CBFA2T3: variants seen among roughly 807,000 people sequenced by gnomAD.
CBFA2T3 encodes transcriptional corepressor CBFA2T3.
A neutral mutation model predicts 58.6 loss-of-function variants in CBFA2T3; 31 were observed. That is an observed-to-expected ratio of 0.53 (90% CI 0.40 to 0.71). The LOEUF is 0.71. CBFA2T3 is among the 30% of genes least tolerant of loss of function. CBFA2T3 has a pLI of 0.00. For synonymous variants in CBFA2T3, 531 were observed against 421.9 expected, an observed-to-expected ratio of 1.26 and a Z score of -3.17; for missense variants, 1,076 against 963.1, an observed-to-expected ratio of 1.12 and a Z score of -1.55.
chr16:88,923,737 G>T (rs1397157005), intron 1 of CBFA2T3, among the ~76,000 whole-genome samples: 2 of 152,228 alleles, frequency 1.3e-5, no homozygotes, highest in African/African-American at 2.4e-5. Flanking sequence ...CCGACATGGA[G>T]GTCGGCTTTG....
rs113831761 is a variant in CBFA2T3, at chr16:88,900,124, G to A, written c.304+1380C>T. 9.8e-5 allele frequency among the ~76,000 whole-genome samples: 15 copies of A among 152,330 alleles called. 1 individual carries two copies. Among genetic ancestry groups the A allele is most frequent in the African/African-American group, 3.1e-4 (13 of 41,584 alleles). On this transcript the variant is annotated intron_variant, in intron 2 of 11. Transcript: ENST00000268679. ...GCCGTCCCCCAGGACCTGCAAAATCGTGAGTGCGGCGTCCCGACTCTCTGA... is the reference window on the plus strand; with the variant it reads ...GCCGTCCCCCAGGACCTGCAAAATCATGAGTGCGGCGTCCCGACTCTCTGA...
chr16:88,921,505 G>T (rs1386896949), intron 1 of CBFA2T3, among the ~76,000 whole-genome samples: 2 of 151,520 alleles, frequency 1.3e-5, no homozygotes, highest in Non-Finnish European at 2.9e-5. Flanking sequence ...CTCTTCCCGG[G>T]ATCTCCCTGG....
chr16:88,892,782 C>T (rs1969697854), intron 3 of CBFA2T3, among the ~76,000 whole-genome samples: 1 of 152,180 alleles, frequency 6.6e-6, no homozygotes, highest in Non-Finnish European at 1.5e-5. Flanking sequence ...CCTCTTTGCC[C>T]CAGGTCCCCA....
At chr16:88,890,478 C>T (rs180754397) in intron 5 of CBFA2T3, among the ~76,000 whole-genome samples, 61 of 152,292 alleles carry the variant, frequency 4.0e-4, no homozygotes, top group African/African-American at 1.4e-3. Context: ...GCCAGGCTGG[C>T]AGCTCCCAAC....
intron 1 of CBFA2T3, among the ~76,000 whole-genome samples, chr16:88,974,956 C>T (rs1972761859): frequency 2.0e-5 from 3 of 152,286 alleles, no homozygotes; most frequent in South Asian, 4.1e-4. Flanking sequence ...CCATGGGTAC[C>T]CTGGAATAGG....
At chr16:88,908,200 A>G (rs2142683735) in intron 1 of CBFA2T3, among the ~76,000 whole-genome samples, 1 of 152,198 alleles carries the variant, frequency 6.6e-6, no homozygotes, top group Non-Finnish European at 1.5e-5. Flanking sequence ...AAATTAGCCG[A>G]GCGTAGTGGT....
chr16:88,879,676 T>C, intron 10 of CBFA2T3: 1 of 531,786 alleles, frequency 1.9e-6, no homozygotes. Context: ...CCCTCATGCC[T>C]GTGCAGACAA....
chr16:88,970,364 G>A (rs375208486), intron 1 of CBFA2T3, among the ~76,000 whole-genome samples: 1 of 152,302 alleles, frequency 6.6e-6, no homozygotes, highest in African/African-American at 2.4e-5. Flanking sequence ...CGCGGCTCTC[G>A]TCTCAGAGCA....
intron 1 of CBFA2T3, among the ~76,000 whole-genome samples, chr16:88,974,154 T>C (rs986034878): frequency 6.6e-6 from 1 of 152,176 alleles, no homozygotes; most frequent in East Asian, 1.9e-4. Flanking sequence ...CTGGTTCCCA[T>C]CCCTCTCTCC....
At chr16:88,892,191 A>G (rs1969662480) in intron 4 of CBFA2T3, 53 bp downstream of exon 4, 3 of 1,571,762 alleles carry the variant, frequency 1.9e-6, no homozygotes, top group Non-Finnish European at 2.6e-6. Context: ...CAACCTCATT[A>G]AACGGAGGGA....
intron 5 of CBFA2T3, among the ~76,000 whole-genome samples, chr16:88,890,198 A>G (rs1969571274): frequency 6.6e-6 from 1 of 152,168 alleles, no homozygotes; most frequent in Non-Finnish European, 1.5e-5. Context: ...GATTCCCCTG[A>G]GCCCGGGAGT....
Position 88,886,197 on chromosome 16 carries a change from C to G in CBFA2T3, c.712-55G>C, listed in dbSNP as rs756980579. On this transcript the variant is annotated intron_variant, in intron 5 of 11. Coordinates refer to ENST00000268679, the MANE Select transcript of CBFA2T3 (RefSeq NM_005187.6). ...GCATGCAGGGGTGCACAGCCCTGCT[C>G]AGGTCCGAGCAGAGGGGGCCTGGGC... The G allele has an allele frequency of 1.9e-5, 25 of 1,317,204 alleles. 1 individual carries two copies. The highest frequency in any genetic ancestry group is 3.0e-5 in the Admixed American group (1 of 33,724). The allele number at this position is 1,317,204 out of a possible 1,614,324, so 81.6% of individuals were successfully genotyped here.
intron 1 of CBFA2T3, among the ~76,000 whole-genome samples, chr16:88,948,280 G>C (rs540065177): frequency 5.9e-5 from 9 of 152,384 alleles, no homozygotes; most frequent in African/African-American, 2.2e-4. Context: ...CAAGAAATCA[G>C]CAGGTTGCAG....
intron 1 of CBFA2T3, among the ~76,000 whole-genome samples, chr16:88,911,405 C>G (rs1338084285): frequency 6.6e-6 from 1 of 152,258 alleles, no homozygotes; most frequent in Non-Finnish European, 1.5e-5. Flanking sequence ...GGGTAAGATG[C>G]AGTGCCTCTT....
intron 1 of CBFA2T3, among the ~76,000 whole-genome samples, chr16:88,903,693 G>GGC (rs1555534358): frequency 7.5e-6 from 1 of 133,936 alleles, no homozygotes; most frequent in Non-Finnish European, 1.6e-5. Flanking sequence ...GGCATTCCTG[G>GGC]GGGGGGCGTT....
chr16:88,893,390 C>T (rs1969731851), intron 3 of CBFA2T3, among the ~76,000 whole-genome samples: 1 of 152,100 alleles, frequency 6.6e-6, no homozygotes, highest in Non-Finnish European at 1.5e-5. Context: ...CAAGTGTCTC[C>T]CAGCCCTGAG....
chr16:88,886,200 G>A lies in CBFA2T3; in HGVS notation c.712-58C>T, dbSNP rs140973092. On this transcript the variant is annotated intron_variant, in intron 5 of 11. Coordinates refer to ENST00000268679, the MANE Select transcript of CBFA2T3 (RefSeq NM_005187.6). ...TGCAGGGGTGCACAGCCCTGCTCAG[G>A]TCCGAGCAGAGGGGGCCTGGGCTGG... is the stretch of plus-strand genomic sequence containing the variant. 144 of 1,326,662 alleles carry A rather than the reference G, an allele frequency of 1.1e-4. No homozygotes were observed. In the Admixed American group the frequency reaches 1.1e-3, roughly 10 times the overall value. The allele number at this position is 1,326,662 out of a possible 1,614,324, so 82.2% of individuals were successfully genotyped here. A position where few individuals can be genotyped will look rare whatever the true frequency, so the allele number is the denominator to read the frequency against.
intron 1 of CBFA2T3, among the ~76,000 whole-genome samples, chr16:88,963,755 G>A (rs763183426): frequency 8.5e-5 from 13 of 152,350 alleles, no homozygotes; most frequent in Non-Finnish European, 1.6e-4. Flanking sequence ...CTGACACTTC[G>A]TGAGCCAGGC....
intron 1 of CBFA2T3, among the ~76,000 whole-genome samples, chr16:88,926,416 C>T (rs1196069972): frequency 1.3e-5 from 2 of 152,360 alleles, no homozygotes; most frequent in African/African-American, 4.8e-5. Flanking sequence ...AGCCTCGTCT[C>T]CAAAATGTCG....
Sources: gnomAD v4.1 joint callset for allele counts (sites outside exome capture counted in the v4.1 genomes callset) on GRCh38, gnomAD v4.1.1 for gene constraint, MANE v1.5 for transcripts, NCBI Gene and HGNC (gene_info 2026-07-23, HGNC 2026-07-21) for gene names.